MICU1: variants seen among roughly 807,000 people sequenced by gnomAD.
MICU1 encodes the protein calcium uptake protein 1, mitochondrial.
In MICU1, 45 loss-of-function variants were observed where a neutral mutation model predicts 56.8. That is an observed-to-expected ratio of 0.79 (90% CI 0.62 to 1.02). The LOEUF (loss-of-function observed/expected upper bound fraction) is 1.02. Among genes scored for constraint, MICU1 ranks in the 50% least tolerant of loss-of-function variants. MICU1 has a pLI of 0.00. For missense variants in MICU1, 504 were observed against 587.1 expected (o/e 0.86, Z 1.46); for synonymous variants, 186 against 195.1 (o/e 0.95, Z 0.39).
At chr10:72,411,070 T>G (rs1863793573) in intron 9 of MICU1, among the ~76,000 whole-genome samples, 1 of 152,204 alleles carries the variant, frequency 6.6e-6, no homozygotes, top group South Asian at 2.1e-4. Flanking sequence ...TACAGGATGA[T>G]GGCCCTCGAA....
At chr10:72,371,995 G>A (rs1033502961) in intron 11 of MICU1, among the ~76,000 whole-genome samples, 1 of 151,600 alleles carries the variant, frequency 6.6e-6, no homozygotes, top group South Asian at 2.1e-4. Flanking sequence ...GGCGGGAGTT[G>A]CAGTGAGCCA....
rs142791986 is a variant in MICU1 at position 72,450,520 on chromosome 10, T to G, written c.933+24580A>C. Among the ~76,000 whole-genome samples the G allele has an allele frequency of 2.3e-3, 351 of 152,088 alleles. 2 individuals carry two copies. Among genetic ancestry groups the G allele is most frequent in the African/African-American group, 8.1e-3 (335 of 41,494 alleles). ...GGTATCAGTGCCAAACAGGTTCTTTTCTGCTTCATACACATTCCGGGGAAC... is the reference window on the plus strand; with the variant it reads ...GGTATCAGTGCCAAACAGGTTCTTTGCTGCTTCATACACATTCCGGGGAAC... On this transcript the variant is annotated intron_variant, in intron 8 of 11. Transcript: ENST00000361114.
intron 5 of MICU1, among the ~76,000 whole-genome samples, chr10:72,527,424 T>C (rs534163736): frequency 1.2e-4 from 18 of 152,210 alleles, no homozygotes; most frequent in Admixed American, 4.6e-4. Context: ...CAGGCTGAAG[T>C]GCAGTAGTGC....
At chr10:72,533,612 C>A (rs1839549082) in intron 5 of MICU1, 134 bp downstream of exon 5, 1 of 612,402 alleles carries the variant, frequency 1.6e-6, no homozygotes, top group Non-Finnish European at 2.7e-6. Context: ...AGGCACAGAC[C>A]CCCTAACCTA....
At chr10:72,447,605 G>T (rs758211412) in intron 8 of MICU1, among the ~76,000 whole-genome samples, 5 of 152,012 alleles carry the variant, frequency 3.3e-5, no homozygotes, top group Non-Finnish European at 7.4e-5. Flanking sequence ...GTTACTACTT[G>T]AAGTTTTCTA....
chr10:72,542,520 G>A (rs539029452), intron 4 of MICU1, among the ~76,000 whole-genome samples: 20 of 152,302 alleles, frequency 1.3e-4, no homozygotes, highest in South Asian at 6.2e-4. Context: ...GCAAGCAAGT[G>A]CAGGAACCAG....
intron 9 of MICU1, among the ~76,000 whole-genome samples, chr10:72,421,011 A>AT (rs1259802387): frequency 8.6e-5 from 12 of 139,748 alleles, no homozygotes; most frequent in Non-Finnish European, 1.6e-4. Context: ...TCAAAAAAAA[A>AT]AAAAAAATAA....
chr10:72,555,122 G>A (rs1216554565), intron 3 of MICU1, among the ~76,000 whole-genome samples: 1 of 152,218 alleles, frequency 6.6e-6, no homozygotes, highest in African/African-American at 2.4e-5. Context: ...ACTCTGAATA[G>A]TAAGAGTATT....
At chr10:72,579,834 A>G (rs1404042374) in intron 1 of MICU1, among the ~76,000 whole-genome samples, 1 of 152,176 alleles carries the variant, frequency 6.6e-6, no homozygotes, top group African/African-American at 2.4e-5. Context: ...AATTACCTGC[A>G]GGCTATATGT....
chr10:72,417,722 G>C (rs1258762441), intron 9 of MICU1, among the ~76,000 whole-genome samples: 1 of 152,154 alleles, frequency 6.6e-6, no homozygotes, highest in East Asian at 1.9e-4. Flanking sequence ...AGTAATTTTT[G>C]TCAAGCACGG....
At chr10:72,555,815 A>C (rs1407231941) in intron 3 of MICU1, among the ~76,000 whole-genome samples, 1 of 152,224 alleles carries the variant, frequency 6.6e-6, no homozygotes, top group Non-Finnish European at 1.5e-5. Context: ...TGTCTGTTTC[A>C]GTTGGGTTAC....
At chr10:72,426,040 CT>C (rs112220742) in intron 8 of MICU1, among the ~76,000 whole-genome samples, 6,765 of 152,144 alleles carry the variant, frequency 0.044, 401 homozygotes, top group East Asian at 0.19. Flanking sequence ...TGTTGAGCAA[CT>C]TTTTTTGTTG....
At chr10:72,588,127 GA>G (rs1841115896) in intron 1 of MICU1, among the ~76,000 whole-genome samples, 1 of 152,130 alleles carries the variant, frequency 6.6e-6, no homozygotes, top group Admixed American at 6.6e-5. Flanking sequence ...GTTCTCATGA[GA>G]TCTGGCTGTT....
At chr10:72,408,131 T>G (rs1007861095) in intron 9 of MICU1, 94 bp from the exon 10 acceptor site, 1 of 711,384 alleles carries the variant, frequency 1.4e-6, no homozygotes, top group Non-Finnish European at 2.4e-6. Flanking sequence ...AATCAGAAAT[T>G]CATGCTCATG....
intron 9 of MICU1, among the ~76,000 whole-genome samples, chr10:72,417,403 G>A (rs529056225): frequency 1.4e-5 from 2 of 147,634 alleles, no homozygotes; most frequent in African/African-American, 5.1e-5. Context: ...GCAGTGAGCC[G>A]AGATCAGGCC....
intron 8 of MICU1, among the ~76,000 whole-genome samples, chr10:72,438,587 CA>C (rs200188681): frequency 6.8e-6 from 1 of 147,016 alleles, no homozygotes; most frequent in African/African-American, 2.5e-5. Flanking sequence ...AAAAACCCTT[CA>C]AAAAAAATCA....
intron 1 of MICU1, among the ~76,000 whole-genome samples, chr10:72,605,515 T>C (rs1841662918): frequency 6.6e-6 from 1 of 152,254 alleles, no homozygotes; most frequent in South Asian, 2.1e-4. Flanking sequence ...CTTGAATTCT[T>C]TCTTGGGCAA....
At chr10:72,500,804 A>G (rs1262551119) in intron 6 of MICU1, among the ~76,000 whole-genome samples, 1 of 152,236 alleles carries the variant, frequency 6.6e-6, no homozygotes, top group Non-Finnish European at 1.5e-5. Flanking sequence ...AGTGAATCTT[A>G]GCATTAGTAA....
At chr10:72,476,692 C>G (rs1002392023) in intron 7 of MICU1, among the ~76,000 whole-genome samples, 5 of 152,148 alleles carry the variant, frequency 3.3e-5, no homozygotes, top group Admixed American at 6.5e-5. Context: ...TGGAGAAGCA[C>G]CATGGTTCTC....
Sources: allele counts gnomAD v4.1 joint callset (sites outside exome capture counted in the v4.1 genomes callset), GRCh38; gene constraint gnomAD v4.1.1; transcripts MANE v1.5; gene names NCBI Gene and HGNC (gene_info 2026-07-23, HGNC 2026-07-21).